TRPM1: variants seen among roughly 807,000 people sequenced by gnomAD.
The protein encoded by TRPM1 is transient receptor potential cation channel subfamily M member 1.
Under a neutral mutation model 149.4 loss-of-function variants are expected in TRPM1, and 113 were observed. The ratio of observed to expected loss-of-function variants is 0.76; its 90% CI spans 0.65 to 0.88. The LOEUF (loss-of-function observed/expected upper bound fraction) is 0.88. Among genes scored for constraint, TRPM1 ranks in the 40% least tolerant of loss-of-function variants. TRPM1 has a pLI of 0.00. For missense variants in TRPM1, 1,976 were observed against 2,038.7 expected, an observed-to-expected ratio of 0.97 and a Z score of 0.59; for synonymous variants, 741 against 759.5, an observed-to-expected ratio of 0.98 and a Z score of 0.40.
At chr15:31,133,785 T>C (rs541166690) in intron 1 of TRPM1, among the ~76,000 whole-genome samples, 1 of 152,072 alleles carries the variant, frequency 6.6e-6, no homozygotes, top group East Asian at 1.9e-4. Flanking sequence ...CCAGACAAGA[T>C]CCCCTTGGCT....
At chr15:31,118,917 G>T (rs939168788) in intron 1 of TRPM1, among the ~76,000 whole-genome samples, 1 of 152,004 alleles carries the variant, frequency 6.6e-6, no homozygotes, top group African/African-American at 2.4e-5. Flanking sequence ...AGGGACACAA[G>T]CATTCAGTCC....
chr15:31,025,143 G>A (rs1026279455), intron 27 of TRPM1, among the ~76,000 whole-genome samples: 1 of 152,176 alleles, frequency 6.6e-6, no homozygotes, highest in African/African-American at 2.4e-5. Flanking sequence ...GGCTCTCAAT[G>A]TGTCTGTTAG....
intron 21 of TRPM1, 49 bp from the exon 22 acceptor site, chr15:31,032,989 T>C: frequency 6.2e-7 from 1 of 1,611,646 alleles, no homozygotes. Flanking sequence ...GTATTAGAAG[T>C]CTTGTCTTAG....
chr15:31,062,846 A>G, intron 8 of TRPM1, 144 bp from the exon 9 acceptor site: 5 of 1,053,280 alleles, frequency 4.7e-6, no homozygotes, highest in South Asian at 2.7e-5. Context: ...ATAGTCAAAC[A>G]TCGTATTCTC....
chr15:31,078,376 T>C (rs1009916596), intron 2 of TRPM1, among the ~76,000 whole-genome samples: 2 of 152,162 alleles, frequency 1.3e-5, no homozygotes, highest in African/African-American at 4.8e-5. Context: ...GTCCCAGCTG[T>C]GCGGACTAGG....
intron 1 of TRPM1, among the ~76,000 whole-genome samples, chr15:31,127,428 CAG>C (rs1333408502): frequency 6.6e-6 from 1 of 152,166 alleles, no homozygotes; most frequent in Admixed American, 6.5e-5. Context: ...AAGGCTCAGA[CAG>C]GGGAATTCAA....
At chr15:31,019,942 T>G (rs184644304) in intron 27 of TRPM1, among the ~76,000 whole-genome samples, 5 of 152,360 alleles carry the variant, frequency 3.3e-5, no homozygotes, top group Admixed American at 1.3e-4. Flanking sequence ...GTGCTAGGAT[T>G]ACAGGTGTGA....
chr15:31,086,764 G>T (rs867152414), intron 1 of TRPM1, among the ~76,000 whole-genome samples: 1 of 152,196 alleles, frequency 6.6e-6, no homozygotes, highest in Non-Finnish European at 1.5e-5. Flanking sequence ...AAGGGAGGTT[G>T]TTAAAAGTGT....
At chr15:31,129,501 C>T (rs1253725608) in intron 1 of TRPM1, among the ~76,000 whole-genome samples, 1 of 152,200 alleles carries the variant, frequency 6.6e-6, no homozygotes, top group Non-Finnish European at 1.5e-5. Context: ...ACCTGATACT[C>T]AGCTGTAGTT....
At chr15:31,036,117 T>C (rs561464566) in intron 20 of TRPM1, 143 of 304,260 alleles carry the variant, frequency 4.7e-4, no homozygotes, top group Middle Eastern at 3.5e-3. Flanking sequence ...TGTGGATGAG[T>C]TGCCCACCCA....
chr15:31,069,742 T>C lies in TRPM1; in HGVS notation c.279+289A>G, dbSNP rs1028647282. On this transcript the variant is annotated intron_variant, in intron 4 of 27. Transcript: ENST00000256552. ...TGAATTTGTCTTCCTTTACTGAAGA[T>C]GGAGCAATGGAGTGTGTTTGCAGGG... is the stretch of plus-strand genomic sequence containing the variant. 1.2e-5 allele frequency: 17 copies of C among 1,428,980 alleles called. No homozygotes were observed. The African/African-American group carries it at 2.0e-4, about 17-fold the overall frequency. The allele number at this position is 1,428,980 out of a possible 1,614,324, so 88.5% of individuals were successfully genotyped here.
intron 11 of TRPM1, among the ~76,000 whole-genome samples, chr15:31,055,171 C>A (rs2034050187): frequency 6.6e-6 from 1 of 152,168 alleles, no homozygotes; most frequent in Admixed American, 6.5e-5. Context: ...AGTGCTTCAA[C>A]TATTAAAAGA....
At chr15:31,152,811 T>C (rs1393118160) in intron 1 of TRPM1, among the ~76,000 whole-genome samples, 2 of 152,096 alleles carry the variant, frequency 1.3e-5, no homozygotes, top group Non-Finnish European at 2.9e-5. Flanking sequence ...TCTGGTAATT[T>C]TAAAATTTTC....
At chr15:31,061,411 G>C in intron 10 of TRPM1, 31 bp downstream of exon 10, 2 of 1,606,642 alleles carry the variant, frequency 1.2e-6, no homozygotes, top group South Asian at 2.2e-5. Context: ...AACATCAGAG[G>C]GACAGGAGTC....
Position 31,019,434 on chromosome 15 carries a change from G to A in TRPM1, c.3629+6705C>T, listed in dbSNP as rs370503126. Among the ~76,000 whole-genome samples the A allele has an allele frequency of 1.4e-4, 21 of 152,310 alleles. No homozygotes were observed. In the East Asian group the frequency reaches 4.1e-3, roughly 29 times the overall value. ...TGTTTGTTTTTGAGAGGGAGTCTCT[G>A]TCACGCAGGCTGGAGTGCAATCAGT... On this transcript the variant is annotated intron_variant, in intron 27 of 27. Transcript: ENST00000256552.
intron 3 of TRPM1, among the ~76,000 whole-genome samples, chr15:31,075,523 G>A (rs1298026452): frequency 1.3e-5 from 2 of 152,154 alleles, no homozygotes; most frequent in East Asian, 3.8e-4. Flanking sequence ...CATGAGTGGG[G>A]CACGGGTGGA....
At chr15:31,099,074 C>T (rs2035458347) in intron 1 of TRPM1, among the ~76,000 whole-genome samples, 1 of 152,110 alleles carries the variant, frequency 6.6e-6, no homozygotes, top group Non-Finnish European at 1.5e-5. Flanking sequence ...GAAAATTGCT[C>T]CTGGCGCGAT....
intron 2 of TRPM1, among the ~76,000 whole-genome samples, chr15:31,078,664 T>C (rs1197293508): frequency 5.3e-5 from 8 of 152,198 alleles, no homozygotes. Flanking sequence ...AGCCCCGCCC[T>C]GCCCTTCTGT....
intron 1 of TRPM1, among the ~76,000 whole-genome samples, chr15:31,127,450 A>G (rs2141039722): frequency 6.6e-6 from 1 of 152,352 alleles, no homozygotes; most frequent in African/African-American, 2.4e-5. Flanking sequence ...AAACAAAGCC[A>G]AATAACACAA....
Sources: gnomAD v4.1 joint callset for allele counts (sites outside exome capture counted in the v4.1 genomes callset) on GRCh38, gnomAD v4.1.1 for gene constraint, MANE v1.5 for transcripts, NCBI Gene and HGNC (gene_info 2026-07-23, HGNC 2026-07-21) for gene names.